The following FSD1L variants were observed in gnomAD, a reference collection of about 807,000 sequenced individuals.
FSD1L encodes FSD1-like protein.
A neutral mutation model predicts 71.6 loss-of-function variants in FSD1L; 45 were observed. The ratio of observed to expected loss-of-function variants is 0.63; its 90% CI spans 0.49 to 0.81. The LOEUF is 0.81. Ranked by LOEUF, FSD1L falls within the 30% of genes least tolerant of loss-of-function variation. FSD1L has a pLI of 0.00. For synonymous variants in FSD1L, 197 were observed against 207.2 expected, an observed-to-expected ratio of 0.95 and a Z score of 0.42; for missense variants, 561 against 618.1, an observed-to-expected ratio of 0.91 and a Z score of 0.98.
chr9:105,538,840 C>T (rs979406470), intron 12 of FSD1L, among the ~76,000 whole-genome samples: 3 of 152,024 alleles, frequency 2.0e-5, no homozygotes, highest in Non-Finnish European at 2.9e-5. Context: ...GTATCAGTAT[C>T]GCATCAGGTA....
At chr9:105,513,530 T>C in intron 10 of FSD1L, 1 of 1,320,052 alleles carries the variant, frequency 7.6e-7, no homozygotes, top group South Asian at 1.3e-5. Flanking sequence ...TTTAATCTGA[T>C]TTCATTATAA....
At chr9:105,480,793 C>T (rs890294425) in intron 6 of FSD1L, among the ~76,000 whole-genome samples, 1 of 152,074 alleles carries the variant, frequency 6.6e-6, no homozygotes, top group African/African-American at 2.4e-5. Context: ...TGCTATGAGT[C>T]ATCCATCTTC....
At position 105,468,201 on chromosome 9, in the gene FSD1L, G is replaced by T. The variant is rs764039006; in HGVS notation, c.216G>T (p.Ser72=). ...HHTLKGVQEN[S]SNILSELDEE... Reference sequence around the variant, plus strand: ...TTTTGTTTTTTAAACAGGAAAATTCGTCCAACATACTCTCAGAGTTAGATG... The same window carrying T: ...TTTTGTTTTTTAAACAGGAAAATTCTTCCAACATACTCTCAGAGTTAGATG... The change falls in exon 4 of 14, where the codon TCG becomes TCT. Residue 72 remains serine (S), a synonymous_variant. Coordinates refer to ENST00000481272, the MANE Select transcript of FSD1L (RefSeq NM_001145313.3). 2.1e-5 allele frequency: 29 copies of T among 1,395,032 alleles called. No homozygotes were observed. Among genetic ancestry groups the T allele is most frequent in the Non-Finnish European group, 2.7e-5 (29 of 1,073,948 alleles). 86.4% of individuals were successfully genotyped at this position (1,395,032 alleles called of 1,614,324 possible). A position where few individuals can be genotyped will look rare whatever the true frequency, so the allele number is the denominator to read the frequency against.
At position 105,449,144 on chromosome 9, in the gene FSD1L, CTAT is replaced by C. The variant is rs563006433; in HGVS notation, c.15+915_15+917del. Reference sequence around the variant, plus strand: ...GACATATCTAAGAGACTATTCTTTTCTATTATTAGAAAGCACGGGAAAGACTTA... The same window carrying C: ...GACATATCTAAGAGACTATTCTTTTCTATTAGAAAGCACGGGAAAGACTTA... On this transcript the variant is annotated intron_variant, in intron 1 of 13. Transcript: ENST00000481272. Among the ~76,000 whole-genome samples the C allele has an allele frequency of 1.4e-3, 214 of 152,242 alleles. 3 individuals are homozygous for C. Among genetic ancestry groups the C allele is most frequent in the African/African-American group, 4.9e-3 (202 of 41,540 alleles).
At chr9:105,494,343 C>T (rs1833191950) in intron 7 of FSD1L, among the ~76,000 whole-genome samples, 1 of 152,140 alleles carries the variant, frequency 6.6e-6, no homozygotes, top group African/African-American at 2.4e-5. Context: ...CCTTGGCTTT[C>T]AGCTCCATCA....
chr9:105,470,127 C>T (rs1215006699), intron 4 of FSD1L, among the ~76,000 whole-genome samples: 1 of 152,104 alleles, frequency 6.6e-6, no homozygotes, highest in Admixed American at 6.6e-5. Context: ...GTGTATCTGT[C>T]TTTATGCCAG....
At chr9:105,444,301 A>G (rs1487202670), upstream of FSD1L, among the ~76,000 whole-genome samples, 3 of 152,224 alleles carry the variant, frequency 2.0e-5, no homozygotes, top group African/African-American at 7.2e-5. Flanking sequence ...AAAGGGAATT[A>G]CTACTATTCT....
chr9:105,516,173 A>T (rs1834706089), intron 10 of FSD1L, among the ~76,000 whole-genome samples: 1 of 152,168 alleles, frequency 6.6e-6, no homozygotes, highest in Non-Finnish European at 1.5e-5. Flanking sequence ...ATCTCTGAAA[A>T]AAAGGCACCA....
intron 10 of FSD1L, chr9:105,523,220 T>A (rs1024825013): frequency 8.1e-6 from 13 of 1,612,252 alleles, no homozygotes; most frequent in Non-Finnish European, 1.1e-5. Flanking sequence ...CAGAAAGTGC[T>A]TCCCCAGTCC....
intron 1 of FSD1L, among the ~76,000 whole-genome samples, chr9:105,452,669 G>GCCTGCCTGCCTTCCTGCCTTCCTGCCTT: frequency 1.0e-5 from 1 of 96,240 alleles, no homozygotes; most frequent in African/African-American, 4.2e-5. Flanking sequence ...CTGCCTGCCT[G>GCCTGCCTGCCTTCCTGCCTTCCTGCCTT]CCTTCCTTCC....
intron 13 of FSD1L, among the ~76,000 whole-genome samples, chr9:105,539,583 G>A (rs1306104069): frequency 6.6e-6 from 1 of 152,052 alleles, no homozygotes; most frequent in Non-Finnish European, 1.5e-5. Context: ...CATGTAGTTT[G>A]ATGAGTTTTT....
At chr9:105,498,515 A>G (rs758444325) in intron 7 of FSD1L, among the ~76,000 whole-genome samples, 30 of 152,110 alleles carry the variant, frequency 2.0e-4, no homozygotes, top group Non-Finnish European at 8.8e-5. Flanking sequence ...GTGTATCTAA[A>G]CATATCTAAA....
intron 1 of FSD1L, among the ~76,000 whole-genome samples, chr9:105,460,591 C>CAAA (rs35223160): frequency 3.0e-5 from 2 of 65,984 alleles, no homozygotes; most frequent in Non-Finnish European, 3.1e-5. Flanking sequence ...GACTCCATCT[C>CAAA]AAAAAAAAAA....
chr9:105,455,971 C>G (rs1830333804), intron 1 of FSD1L, among the ~76,000 whole-genome samples: 1 of 152,174 alleles, frequency 6.6e-6, no homozygotes, highest in Non-Finnish European at 1.5e-5. Flanking sequence ...GTCTTCTCCT[C>G]CTCTGAGAAG....
chr9:105,465,608 C>A (rs1472017780), intron 3 of FSD1L, among the ~76,000 whole-genome samples: 1 of 151,858 alleles, frequency 6.6e-6, no homozygotes, highest in Non-Finnish European at 1.5e-5. Context: ...CAACAGAAGT[C>A]AATAAATGTG....
chr9:105,500,165 T>G (rs1383433415), intron 7 of FSD1L, among the ~76,000 whole-genome samples: 1 of 152,238 alleles, frequency 6.6e-6, no homozygotes, highest in Non-Finnish European at 1.5e-5. Flanking sequence ...GGTCTGATAA[T>G]TCCAGCATTT....
chr9:105,499,099 A>G (rs1225523262), intron 7 of FSD1L, among the ~76,000 whole-genome samples: 1 of 152,200 alleles, frequency 6.6e-6, no homozygotes, highest in Non-Finnish European at 1.5e-5. Context: ...CTTGAGAAGG[A>G]TGTATATTCT....
At chr9:105,523,905 G>A (rs1413573494) in intron 10 of FSD1L, 1 of 1,590,814 alleles carries the variant, frequency 6.3e-7, no homozygotes, top group African/African-American at 1.3e-5. Flanking sequence ...TATTGTAGCA[G>A]CTGGTAGAGT....
Position 105,547,443 on chromosome 9 carries a change from A to C in FSD1L, c.*960A>C, listed in dbSNP as rs944313112. On this transcript the variant is annotated 3_prime_UTR_variant, in exon 14 of 14. Coordinates refer to ENST00000481272, the MANE Select transcript of FSD1L (RefSeq NM_001145313.3). ...TTTATCTAAGAAGGATAGGTTATAA[A>C]GGGAGGTACCTAAATACTCAAATAA... 2.0e-5 allele frequency: 3 copies of C among 152,442 alleles called. No individual in the cohort carries two copies. Among genetic ancestry groups the C allele is most frequent in the Non-Finnish European group, 4.4e-5 (3 of 67,948 alleles). 9.4% of individuals were successfully genotyped at this position (152,442 alleles called of 1,614,324 possible). A position where few individuals can be genotyped will look rare whatever the true frequency, so the allele number is the denominator to read the frequency against.
Sources: gnomAD v4.1 joint callset for allele counts (sites outside exome capture counted in the v4.1 genomes callset) on GRCh38, gnomAD v4.1.1 for gene constraint, MANE v1.5 for transcripts, NCBI Gene and HGNC (gene_info 2026-07-23, HGNC 2026-07-21) for gene names.